Variants in ATP2A2 observed in about 807,000 individuals in gnomAD.
The protein encoded by ATP2A2 is ATPase sarcoplasmic/endoplasmic reticulum Ca2+ transporting 2, also known as sarcoplasmic/endoplasmic reticulum calcium ATPase 2.
A neutral mutation model predicts 109.3 loss-of-function variants in ATP2A2; 14 were observed. The ratio of observed to expected loss-of-function variants is 0.13; its 90% CI spans 0.08 to 0.20. ATP2A2 has a LOEUF of 0.20. Among genes scored for constraint, ATP2A2 ranks in the 10% least tolerant of loss-of-function variants. The pLI, the probability that ATP2A2 is intolerant of heterozygous loss-of-function variation, is 1.00. For synonymous variants in ATP2A2, 506 were observed against 490.9 expected, an observed-to-expected ratio of 1.03 and a Z score of -0.41; for missense variants, 657 against 1,321.6, an observed-to-expected ratio of 0.50 and a Z score of 7.80.
intron 7 of ATP2A2, among the ~76,000 whole-genome samples, chr12:110,326,800 A>G (rs1230151388): frequency 1.3e-5 from 2 of 152,204 alleles, no homozygotes; most frequent in Non-Finnish European, 2.9e-5. Context: ...GACAGCTGCT[A>G]TTTGTATGTG....
chr12:110,282,546 CTT>C (rs372941910), intron 1 of ATP2A2, 56 bp from the exon 2 acceptor site: 394 of 1,303,384 alleles, frequency 3.0e-4, no homozygotes, highest in South Asian at 3.8e-4. Context: ...ATGTCTCTCT[CTT>C]TTTTTTTTTA....
chr12:110,346,972 G>A lies in ATP2A2; in HGVS notation c.*502G>A, dbSNP rs1879926605. On this transcript the variant is annotated 3_prime_UTR_variant, in exon 20 of 20. Coordinates refer to ENST00000539276, the MANE Select transcript of ATP2A2 (RefSeq NM_170665.4). ...GAGCAGAGTCTTGCTACCTCAGTCAGTATTGTTTTGGTTTGCTACTTCCCT... is the reference window on the plus strand; with the variant it reads ...GAGCAGAGTCTTGCTACCTCAGTCAATATTGTTTTGGTTTGCTACTTCCCT... 1 of 1,099,600 alleles carries A rather than the reference G, an allele frequency of 9.1e-7. No homozygotes were observed. Among genetic ancestry groups the A allele is most frequent in the Non-Finnish European group, 1.1e-6 (1 of 899,260 alleles). 68.1% of individuals were successfully genotyped at this position (1,099,600 alleles called of 1,614,324 possible).
intron 10 of ATP2A2, among the ~76,000 whole-genome samples, chr12:110,333,555 A>G (rs1187036363): frequency 3.3e-5 from 5 of 152,240 alleles, no homozygotes; most frequent in Non-Finnish European, 5.9e-5. Flanking sequence ...CATACTTACT[A>G]TAAATGAATA....
chr12:110,323,156 C>A (rs1877416751), intron 6 of ATP2A2, 84 bp downstream of exon 6: 1 of 1,001,710 alleles, frequency 1.0e-6, no homozygotes, highest in Non-Finnish European at 1.6e-6. Context: ...CCTCACTGTC[C>A]CTTTATGGTA....
intron 3 of ATP2A2, among the ~76,000 whole-genome samples, chr12:110,289,386 T>C (rs577475449): frequency 6.0e-4 from 91 of 152,334 alleles, no homozygotes; most frequent in African/African-American, 2.0e-3. Flanking sequence ...AATTTATAAC[T>C]TCCTAGAGAA....
rs559771218 is a variant in ATP2A2 at position 110,337,714 on chromosome 12, A to G, written c.1420-1567A>G. ...CAAATATAATTAACTCACCACATTA[A>G]CCAAATTAAGGTGGAAAAAACAATA... is the stretch of plus-strand genomic sequence containing the variant. On this transcript the variant is annotated intron_variant, in intron 11 of 19. Coordinates refer to ENST00000539276, the MANE Select transcript of ATP2A2 (RefSeq NM_170665.4). Among the ~76,000 whole-genome samples the G allele has an allele frequency of 2.8e-4, 43 of 152,320 alleles. No homozygotes were observed. In the South Asian group the frequency reaches 8.7e-3, roughly 31 times the overall value.
intron 5 of ATP2A2, among the ~76,000 whole-genome samples, chr12:110,301,318 GAAGA>G: frequency 6.6e-6 from 1 of 152,314 alleles, no homozygotes; most frequent in South Asian, 2.1e-4. Context: ...CATCCTTTTT[GAAGA>G]AAGAGACAAA....
chr12:110,336,689 C>CA (rs1438684436), intron 11 of ATP2A2, among the ~76,000 whole-genome samples: 1 of 152,202 alleles, frequency 6.6e-6, no homozygotes, highest in East Asian at 1.9e-4. Flanking sequence ...AAACAAAACT[C>CA]ACACTGGAAT....
In ATP2A2 at chr12:110,340,577, A is replaced by G. The variant is rs564095373; in HGVS notation, c.1762-82A>G. On this transcript the variant is annotated intron_variant, in intron 13 of 19. Transcript: ENST00000539276. This position sits in a 1 kb window ranked among gnomAD's most constrained non-coding sequence, Gnocchi z 6.0. ...GAAAAAAAATGCAGAAACCTGTCTC[A>G]ATGTTTAACTGGGCATTTTTCAAAC... The G allele has an allele frequency of 8.5e-6, 12 of 1,418,944 alleles. No individual in the cohort carries two copies. The African/African-American group carries it at 1.4e-4, about 17-fold the overall frequency. The allele number at this position is 1,418,944 out of a possible 1,614,324, so 87.9% of individuals were successfully genotyped here.
In ATP2A2 at chr12:110,290,374, A is replaced by G. The variant is rs1406319079; in HGVS notation, c.220-1646A>G. The stretch of plus-strand genomic sequence containing the variant: ...TTATATATGCTCTAAAATTTAAGTC[A>G]GTGATCAAGTTGTTTATACTGTGGA... On this transcript the variant is annotated intron_variant, in intron 3 of 19. Coordinates refer to ENST00000539276, the MANE Select transcript of ATP2A2 (RefSeq NM_170665.4). 2.0e-5 allele frequency among the ~76,000 whole-genome samples: 3 copies of G among 152,218 alleles called. No individual in the cohort carries two copies. In the East Asian group the frequency reaches 5.8e-4, roughly 29 times the overall value.
In ATP2A2 at chr12:110,344,785, A is replaced by G. The variant is rs1879683766; in HGVS notation, c.2522-101A>G. 5 of 1,160,864 alleles carry G rather than the reference A, an allele frequency of 4.3e-6. No homozygotes were observed. The Admixed American group carries it at 7.0e-5, about 16-fold the overall frequency. 71.9% of individuals were successfully genotyped at this position (1,160,864 alleles called of 1,614,324 possible). On this transcript the variant is annotated intron_variant, in intron 16 of 19. Transcript: ENST00000539276. ...AGGCCCCGGTTACCATCACTGTCCCATGTCTTTGATCTTCGTCCTTGTGGG... is the reference window on the plus strand; with the variant it reads ...AGGCCCCGGTTACCATCACTGTCCCGTGTCTTTGATCTTCGTCCTTGTGGG...
At position 110,311,962 on chromosome 12, in the gene ATP2A2, C is replaced by A. The variant is rs112174484; in HGVS notation, c.464-11030C>A. On this transcript the variant is annotated intron_variant, in intron 5 of 19. Transcript: ENST00000539276. ...GAGGCTGAGACGAGGTTCACTTGAG[C>A]TCAGGAGTTTGAGACCAGCCTGGGC... Among the ~76,000 whole-genome samples, 391 of 152,076 alleles carry A rather than the reference C, an allele frequency of 2.6e-3. 2 individuals are homozygous for A. The highest frequency in any genetic ancestry group is 8.5e-3 in the African/African-American group (352 of 41,498).
intron 5 of ATP2A2, among the ~76,000 whole-genome samples, chr12:110,319,223 GAAA>G (rs59623372): frequency 0.01 from 654 of 63,454 alleles, 3 homozygotes; most frequent in African/African-American, 0.031. Flanking sequence ...AATAAAAAAT[GAAA>G]AAAAAAAAAA....
At chr12:110,343,678 G>A (rs1033277279) in intron 16 of ATP2A2, among the ~76,000 whole-genome samples, 2 of 152,086 alleles carry the variant, frequency 1.3e-5, no homozygotes, top group Non-Finnish European at 2.9e-5. Flanking sequence ...TAAACATCAG[G>A]GTTTTCAGAT....
chr12:110,306,073 C>T (rs144646229), intron 5 of ATP2A2, among the ~76,000 whole-genome samples: 106 of 152,224 alleles, frequency 7.0e-4, no homozygotes, highest in African/African-American at 2.4e-3. Flanking sequence ...GCTCTTTCAC[C>T]GCTATGACAG....
Position 110,320,847 on chromosome 12 carries a change from A to C in ATP2A2, c.464-2145A>C, listed in dbSNP as rs79685248. 7.8e-3 allele frequency among the ~76,000 whole-genome samples: 1,186 copies of C among 152,320 alleles called. 6 individuals carry two copies. The highest frequency in any genetic ancestry group is 0.014 in the Non-Finnish European group (934 of 68,020). ...TTACTTAGGCTATAGCATTGTTTTT[A>C]TGCACTCAAATTAAAAAAGTAAACC... On this transcript the variant is annotated intron_variant, in intron 5 of 19. Transcript: ENST00000539276.
intron 11 of ATP2A2, among the ~76,000 whole-genome samples, chr12:110,338,841 C>G (rs1879090667): frequency 6.6e-6 from 1 of 152,202 alleles, no homozygotes; most frequent in African/African-American, 2.4e-5. Flanking sequence ...CATTACCTGC[C>G]TCACCTTTTG....
chr12:110,311,899 A>G (rs1265531861), intron 5 of ATP2A2, among the ~76,000 whole-genome samples: 1 of 151,270 alleles, frequency 6.6e-6, no homozygotes, highest in Non-Finnish European at 1.5e-5. Flanking sequence ...AAACTTGCAT[A>G]GTGAGGCTGG....
Position 110,323,082 on chromosome 12 carries a change from A to G in ATP2A2, c.544+10A>G, listed in dbSNP as rs886048951. On this transcript the variant is annotated intron_variant, in intron 6 of 19. Coordinates refer to ENST00000539276, the MANE Select transcript of ATP2A2 (RefSeq NM_170665.4). ...CAGTCAATTCTCACAGGTAAATATGATATATTAAGTCATTGAATTTCTGAA... is the reference window on the plus strand; with the variant it reads ...CAGTCAATTCTCACAGGTAAATATGGTATATTAAGTCATTGAATTTCTGAA... 1.3e-6 allele frequency: 2 copies of G among 1,589,068 alleles called. No individual in the cohort carries two copies. Among genetic ancestry groups the G allele is most frequent in the Non-Finnish European group, 1.7e-6 (2 of 1,157,270 alleles).
Sources: gnomAD v4.1 joint callset for allele counts (sites outside exome capture counted in the v4.1 genomes callset) on GRCh38, gnomAD v4.1.1 for gene constraint, Gnocchi (gnomAD v3.1) non-coding constraint, MANE v1.5 for transcripts, NCBI Gene and HGNC (gene_info 2026-07-23, HGNC 2026-07-21) for gene names.